Variants in HRH1 observed in about 807,000 individuals in gnomAD.
HRH1 encodes histamine receptor H1.
In HRH1, 6 loss-of-function variants were observed where a neutral mutation model predicts 10.3. That is an observed-to-expected ratio of 0.58 (90% CI 0.32 to 1.15). The LOEUF (loss-of-function observed/expected upper bound fraction) is 1.15, where lower values mean the gene tolerates loss of function less well. Among genes scored for constraint, HRH1 ranks in the 50% most tolerant of loss-of-function variants. The probability of loss-of-function intolerance (pLI) is 0.05; values close to 1 mark genes in which losing one functional copy is unlikely to be tolerated. For synonymous variants in HRH1, 242 were observed against 236.7 expected (o/e 1.02, Z -0.21); for missense variants, 514 against 615.3 (o/e 0.84, Z 1.74).
At chr3:11,157,611 G>A (rs145395307) in intron 1 of HRH1, among the ~76,000 whole-genome samples, 1 of 152,356 alleles carries the variant, frequency 6.6e-6, no homozygotes, top group Admixed American at 6.5e-5. Context: ...GATGCTGTCG[G>A]AGGGGGGGCC....
chr3:11,155,449 G>A (rs900046122), intron 1 of HRH1, among the ~76,000 whole-genome samples: 17 of 152,156 alleles, frequency 1.1e-4, no homozygotes, highest in Admixed American at 1.0e-3. Context: ...AGGAAGTCAC[G>A]TCTCCTGCTC....
In HRH1 at chr3:11,250,338, C is replaced by T. The variant is rs1939615459; in HGVS notation, c.-35-8665C>T. ...CCTCCCAAAGTGCTGGGATTACAGG[C>T]GTGAGCCACCGCGCCCGGCCGCTTT... On this transcript the variant is annotated intron_variant, in intron 1 of 1. Coordinates refer to ENST00000431010, the MANE Select transcript of HRH1 (RefSeq NM_001098212.2). Among the ~76,000 whole-genome samples, 3 of 151,162 alleles carry T rather than the reference C, an allele frequency of 2.0e-5. 1 individual carries two copies. In the South Asian group the frequency reaches 6.3e-4, roughly 32 times the overall value.
At chr3:11,198,539 T>C (rs1250504937) in intron 1 of HRH1, among the ~76,000 whole-genome samples, 1 of 152,058 alleles carries the variant, frequency 6.6e-6, no homozygotes, top group South Asian at 2.1e-4. Flanking sequence ...AGTGCCATTC[T>C]CTGAGATGGA....
chr3:11,229,970 G>A (rs529283054), intron 1 of HRH1, among the ~76,000 whole-genome samples: 1 of 152,304 alleles, frequency 6.6e-6, no homozygotes, highest in East Asian at 1.9e-4. Context: ...GTTGACATGG[G>A]TGGGGACTAG....
chr3:11,196,594 A>G (rs1363944433), intron 1 of HRH1, among the ~76,000 whole-genome samples: 1 of 152,122 alleles, frequency 6.6e-6, no homozygotes, highest in Non-Finnish European at 1.5e-5. Flanking sequence ...CACCTAGCAC[A>G]TGGGAGTTGC....
At chr3:11,173,134 A>G (rs1937185835) in intron 1 of HRH1, among the ~76,000 whole-genome samples, 2 of 152,286 alleles carry the variant, frequency 1.3e-5, no homozygotes, top group East Asian at 3.9e-4. Context: ...GGGGCTTGCC[A>G]TACTTAGTAA....
At chr3:11,181,191 AGGAGGATCTCCTGATCCCG>A (rs2125017004) in intron 1 of HRH1, among the ~76,000 whole-genome samples, 1 of 152,302 alleles carries the variant, frequency 6.6e-6, no homozygotes, top group East Asian at 1.9e-4. Flanking sequence ...GCTGAGAGGC[AGGAGGATCTCCTGATCCCG>A]GGAGGTTGAG....
intron 1 of HRH1, among the ~76,000 whole-genome samples, chr3:11,164,004 C>T (rs1936979806): frequency 6.6e-6 from 1 of 152,156 alleles, no homozygotes; most frequent in Non-Finnish European, 1.5e-5. Flanking sequence ...CCCTCCATAT[C>T]CCTGGTACCC....
Position 11,234,509 on chromosome 3 carries a change from C to T in HRH1, c.-35-24494C>T, listed in dbSNP as rs898268887. The T allele has an allele frequency of 8.3e-6, 12 of 1,441,126 alleles. No homozygotes were observed. The African/African-American group carries it at 1.5e-4, about 18-fold the overall frequency. 89.3% of individuals were successfully genotyped at this position (1,441,126 alleles called of 1,614,324 possible). On this transcript the variant is annotated intron_variant, in intron 1 of 1. Coordinates refer to ENST00000431010, the MANE Select transcript of HRH1 (RefSeq NM_001098212.2). ...TTCCCCACAGGGGCCGCTGGCCATT[C>T]CCCCAAGGCATGGACGGTTCCAGTT...
intron 1 of HRH1, among the ~76,000 whole-genome samples, chr3:11,166,410 G>A (rs1363453728): frequency 6.6e-6 from 1 of 152,166 alleles, no homozygotes; most frequent in African/African-American, 2.4e-5. Flanking sequence ...GAGCACTTCC[G>A]GTGTATGAGG....
chr3:11,235,538 C>T (rs989382108), intron 1 of HRH1, among the ~76,000 whole-genome samples: 1 of 152,164 alleles, frequency 6.6e-6, no homozygotes, highest in African/African-American at 2.4e-5. Flanking sequence ...CAGATAAGTC[C>T]CCAGCTGGGA....
chr3:11,245,778 A>C (rs1939464241), intron 1 of HRH1, among the ~76,000 whole-genome samples: 1 of 152,142 alleles, frequency 6.6e-6, no homozygotes, highest in South Asian at 2.1e-4. Context: ...GTAATCGCAG[A>C]GCTTTCCCAC....
At chr3:11,246,021 C>CAT (rs1939473720) in intron 1 of HRH1, among the ~76,000 whole-genome samples, 1 of 151,180 alleles carries the variant, frequency 6.6e-6, no homozygotes, top group Non-Finnish European at 1.5e-5. Flanking sequence ...CACATACACT[C>CAT]ACACTCATAC....
At chr3:11,250,307 T>C (rs12492311) in intron 1 of HRH1, among the ~76,000 whole-genome samples, 32,602 of 150,056 alleles carry the variant, frequency 0.22, 4,148 homozygotes, top group South Asian at 0.35. Flanking sequence ...GATCCGTCCG[T>C]CTCGGCCTCC....
At chr3:11,176,168 C>CAAAAAAAAAAAA (rs3082255) in intron 1 of HRH1, among the ~76,000 whole-genome samples, 1 of 120,058 alleles carries the variant, frequency 8.3e-6, no homozygotes, top group African/African-American at 3.1e-5. Flanking sequence ...GAACCTGTCT[C>CAAAAAAAAAAAA]AAAAAAAAAA....
intron 1 of HRH1, among the ~76,000 whole-genome samples, chr3:11,144,451 C>A (rs1401081961): frequency 6.6e-6 from 1 of 151,588 alleles, no homozygotes; most frequent in African/African-American, 2.4e-5. Flanking sequence ...AGACATACGT[C>A]TATAGGTATA....
intron 1 of HRH1, among the ~76,000 whole-genome samples, chr3:11,242,818 C>T (rs975697590): frequency 1.3e-5 from 2 of 152,206 alleles, no homozygotes; most frequent in African/African-American, 4.8e-5. Context: ...CCTCAAACTT[C>T]TTTAAGTCTG....
Position 11,259,811 on chromosome 3 carries a change from G to A in HRH1, c.774G>A (p.Glu258=). The A allele has an allele frequency of 1.2e-6, 2 of 1,613,972 alleles. No homozygotes were observed. Among genetic ancestry groups the A allele is most frequent in the South Asian group, 1.1e-5 (1 of 91,078 alleles). ...AACCAGGGAAGGAGTCTCCCTGGGA[G>A]GTTCTGAAAAGGAAGCCAAAAGATG... ...AKKPGKESPW[E]VLKRKPKDAG... The change falls in exon 2 of 2, where the codon GAG becomes GAA. Residue 258 remains glutamate, a synonymous_variant. Transcript: ENST00000431010. The surrounding 1 kb of genome is among the most constrained non-coding windows in gnomAD (Gnocchi z 4.6).
chr3:11,149,504 C>T (rs146994933), upstream of HRH1, among the ~76,000 whole-genome samples: 4 of 152,138 alleles, frequency 2.6e-5, no homozygotes. Context: ...TTAGAAGGCA[C>T]GAAAGAGCTA....
Sources: allele counts gnomAD v4.1 joint callset (sites outside exome capture counted in the v4.1 genomes callset), GRCh38; gene constraint gnomAD v4.1.1; non-coding constraint Gnocchi (gnomAD v3.1); transcripts MANE v1.5; gene names NCBI Gene and HGNC (gene_info 2026-07-23, HGNC 2026-07-21).